Variants in TBCD observed in about 807,000 individuals in gnomAD.
TBCD encodes the protein tubulin-specific chaperone D.
In TBCD, 105 loss-of-function variants were observed where a neutral mutation model predicts 169.3. That is an observed-to-expected ratio of 0.62 (90% CI 0.53 to 0.73). The LOEUF (loss-of-function observed/expected upper bound fraction) is 0.73, where lower values mean the gene tolerates loss of function less well. TBCD is among the 30% of genes least tolerant of loss of function. The pLI is 0.00. For missense variants in TBCD, 1,444 were observed against 1,600.1 expected (o/e 0.90, Z 1.66); for synonymous variants, 700 against 643.9 (o/e 1.09, Z -1.32).
At chr17:82,848,021 C>T (rs1318898253) in intron 13 of TBCD, among the ~76,000 whole-genome samples, 1 of 152,170 alleles carries the variant, frequency 6.6e-6, no homozygotes, top group Non-Finnish European at 1.5e-5. Context: ...GCCCCTTTTT[C>T]CTACCAAGGC....
chr17:82,862,907 G>A (rs1451687680), intron 13 of TBCD, among the ~76,000 whole-genome samples: 3 of 152,202 alleles, frequency 2.0e-5, no homozygotes, highest in Admixed American at 6.5e-5. Context: ...GCCGGCGTGC[G>A]GGTGTGACTG....
intron 13 of TBCD, among the ~76,000 whole-genome samples, chr17:82,861,558 C>T (rs1468680482): frequency 2.0e-5 from 3 of 152,222 alleles, no homozygotes; most frequent in Non-Finnish European, 2.9e-5. Context: ...CGGTGTGCCG[C>T]GCACTGGCCA....
chr17:82,819,006 C>G (rs568733884), intron 13 of TBCD, among the ~76,000 whole-genome samples: 6 of 152,098 alleles, frequency 3.9e-5, no homozygotes, highest in African/African-American at 1.2e-4. Context: ...TGCAGTGAAC[C>G]GAGATCGCAC....
At position 82,884,822 on chromosome 17, in the gene TBCD, G is replaced by GTGAGA. The variant is rs1469645644; in HGVS notation, c.1533+624_1533+625insATGAG. 1 of 155,766 alleles carries GTGAGA rather than the reference G, an allele frequency of 6.4e-6. No individual in the cohort carries two copies. The highest frequency in any genetic ancestry group is 1.4e-5 in the Non-Finnish European group (1 of 69,966). The allele number at this position is 155,766 out of a possible 1,614,324, so 9.6% of individuals were successfully genotyped here. A position where few individuals can be genotyped will look rare whatever the true frequency, so the allele number is the denominator to read the frequency against. On this transcript the variant is annotated intron_variant, in intron 15 of 38. Coordinates refer to ENST00000355528, the MANE Select transcript of TBCD (RefSeq NM_005993.5). This position sits in a 1 kb window ranked among gnomAD's most constrained non-coding sequence, Gnocchi z 4.2. ...TCATTTGGCTCAGAGCTGGGCTGGA[G>GTGAGA]TGAGGCCTGTGTCTCTTGGGACCAC...
intron 22 of TBCD, 116 bp from the exon 23 acceptor site, chr17:82,911,642 C>A: frequency 9.7e-7 from 1 of 1,028,724 alleles, no homozygotes. Context: ...GTAACACATT[C>A]AACTAGTTCT....
Position 82,832,184 on chromosome 17 carries a change from C to G in TBCD, c.1318+17250C>G, listed in dbSNP as rs1371695866. 1 of 1,614,250 alleles carries G rather than the reference C, an allele frequency of 6.2e-7. No homozygotes were observed. The highest frequency in any genetic ancestry group is 8.5e-7 in the Non-Finnish European group (1 of 1,180,050). ...TCGAAGGCAGAGAGTCCATTTGCGA[C>G]AGACTTGGAAGAGGCTGGCTTCGCC... On this transcript the variant is annotated intron_variant, in intron 13 of 38. Transcript: ENST00000355528. The surrounding 1 kb of genome is among the most constrained non-coding windows in gnomAD (Gnocchi z 4.9).
intron 7 of TBCD, among the ~76,000 whole-genome samples, chr17:82,786,619 G>A (rs2144402869): frequency 6.6e-6 from 1 of 152,304 alleles, no homozygotes; most frequent in South Asian, 2.1e-4. Context: ...GCAGGCAGGT[G>A]AGGCGTGCCA....
intron 14 of TBCD, among the ~76,000 whole-genome samples, chr17:82,882,787 G>T (rs2058450219): frequency 6.6e-6 from 1 of 152,252 alleles, no homozygotes; most frequent in Non-Finnish European, 1.5e-5. Context: ...GTCTGGGTCT[G>T]GGTCTGGGGC....
chr17:82,821,067 C>T (rs1475493805), intron 13 of TBCD, among the ~76,000 whole-genome samples: 12 of 152,160 alleles, frequency 7.9e-5, no homozygotes, highest in East Asian at 3.8e-4. Context: ...GCAGCTCTCC[C>T]GCCTCAGCCT....
chr17:82,847,054 T>G (rs1489374142), intron 13 of TBCD, among the ~76,000 whole-genome samples: 1 of 152,176 alleles, frequency 6.6e-6, no homozygotes, highest in Non-Finnish European at 1.5e-5. Context: ...ATTTGGTTTC[T>G]CATTAAAAAG....
chr17:82,915,740 G>A lies in TBCD; in HGVS notation c.2038+3951G>A, dbSNP rs754821851. On this transcript the variant is annotated intron_variant, in intron 23 of 38. Transcript: ENST00000355528. The surrounding 1 kb of genome is among the most constrained non-coding windows in gnomAD (Gnocchi z 4.3). ...TGGCTCACAGCCTTGCACCAGAGGC[G>A]TCACGAGAATCAGGAAAAGTTCTCC... 1.3e-5 allele frequency among the ~76,000 whole-genome samples: 2 copies of A among 152,188 alleles called. No homozygotes were observed. Among genetic ancestry groups the A allele is most frequent in the African/African-American group, 2.4e-5 (1 of 41,448 alleles).
chr17:82,806,258 T>G lies in TBCD; in HGVS notation c.1087+247T>G, dbSNP rs1284523772. Among the ~76,000 whole-genome samples the G allele has an allele frequency of 6.6e-6, 1 of 152,122 alleles. No individual in the cohort carries two copies. Among genetic ancestry groups the G allele is most frequent in the Non-Finnish European group, 1.5e-5 (1 of 68,012 alleles). ...CCACCGCCTCGCCTCCTTCCTGACC[T>G]GGGCTGCCTGTTCTGGGCAGCTGGG... On this transcript the variant is annotated intron_variant, in intron 10 of 38. Coordinates refer to ENST00000355528, the MANE Select transcript of TBCD (RefSeq NM_005993.5). This position sits in a 1 kb window ranked among gnomAD's most constrained non-coding sequence, Gnocchi z 5.1.
intron 13 of TBCD, among the ~76,000 whole-genome samples, chr17:82,824,033 G>A (rs2052625420): frequency 6.7e-6 from 1 of 149,718 alleles, no homozygotes; most frequent in Non-Finnish European, 1.5e-5. Flanking sequence ...GACAATATTT[G>A]GCCTTTCATG....
chr17:82,890,781 A>G lies in TBCD; in HGVS notation c.1563+1084A>G, dbSNP rs2059078219. ...CCTGAGCCCTGGTCGGAGCCAGTTCACTAGGAAGAGACACCAGCCTTGCAA... is the reference window on the plus strand; with the variant it reads ...CCTGAGCCCTGGTCGGAGCCAGTTCGCTAGGAAGAGACACCAGCCTTGCAA... On this transcript the variant is annotated intron_variant, in intron 16 of 38. Transcript: ENST00000355528. This position sits in a 1 kb window ranked among gnomAD's most constrained non-coding sequence, Gnocchi z 5.3. 6.6e-6 allele frequency among the ~76,000 whole-genome samples: 1 copy of G among 152,134 alleles called. No homozygotes were observed. The highest frequency in any genetic ancestry group is 2.4e-5 in the African/African-American group (1 of 41,424).
Position 82,814,888 on chromosome 17 carries a change from A to C in TBCD, c.1272A>C (p.Ala424=). 1 of 1,611,964 alleles carries C rather than the reference A, an allele frequency of 6.2e-7. No homozygotes were observed. Among genetic ancestry groups the C allele is most frequent in the Middle Eastern group, 1.7e-4 (1 of 6,058 alleles). ...GGCATGGGGGATGTCTGGCGCTGGC[A>C]GAGCTGGGCAGGAGAGGCCTGTTGC... ...KAWHGGCLAL[A]ELGRRGLLLP... Residue 424 remains alanine, a synonymous_variant, in exon 13 of 39, where the codon GCA becomes GCC. Coordinates refer to ENST00000355528, the MANE Select transcript of TBCD (RefSeq NM_005993.5).
chr17:82,838,614 A>G, intron 13 of TBCD: 1 of 984,106 alleles, frequency 1.0e-6, no homozygotes, highest in Non-Finnish European at 1.2e-6. Context: ...TGTCGCAAGA[A>G]CGAGATTTGT....
At chr17:82,911,933 A>G in intron 23 of TBCD, 144 bp downstream of exon 23, 3 of 779,468 alleles carry the variant, frequency 3.8e-6, no homozygotes, top group Non-Finnish European at 2.2e-6. Flanking sequence ...GGCATCTGTG[A>G]TGTGCTTGGT....
At chr17:82,809,115 G>C (rs1598631132) in intron 11 of TBCD, among the ~76,000 whole-genome samples, 2 of 152,192 alleles carry the variant, frequency 1.3e-5, no homozygotes, top group East Asian at 1.9e-4. Flanking sequence ...CTGTACGCAG[G>C]GGATGGCTTT....
rs1385192737 is a variant in TBCD, at chr17:82,920,346, C to T, written c.2039-210C>T. 1.7e-6 allele frequency: 1 copy of T among 600,186 alleles called. No homozygotes were observed. The highest frequency in any genetic ancestry group is 2.1e-5 in the South Asian group (1 of 48,492). The allele number at this position is 600,186 out of a possible 1,614,324, so 37.2% of individuals were successfully genotyped here. ...GTGGCTGGGTCTGCAGCACTTTCTT[C>T]AGGCTGCTCAGCGGAGGAGGCGTCT... On this transcript the variant is annotated intron_variant, in intron 23 of 38. Coordinates refer to ENST00000355528, the MANE Select transcript of TBCD (RefSeq NM_005993.5). This position sits in a 1 kb window ranked among gnomAD's most constrained non-coding sequence, Gnocchi z 4.1.
Sources: gnomAD v4.1 joint callset for allele counts (sites outside exome capture counted in the v4.1 genomes callset) on GRCh38, gnomAD v4.1.1 for gene constraint, Gnocchi (gnomAD v3.1) non-coding constraint, MANE v1.5 for transcripts, NCBI Gene and HGNC (gene_info 2026-07-23, HGNC 2026-07-21) for gene names.